The following SPAG5 variants were observed in gnomAD, a reference collection of about 807,000 sequenced individuals.
SPAG5 encodes the protein sperm associated antigen 5.
SPAG5 carries 99 observed loss-of-function variants against 145.4 expected under a neutral mutation model. That is an observed-to-expected ratio of 0.68 (90% CI 0.58 to 0.80). The LOEUF is 0.80. Among genes scored for constraint, SPAG5 ranks in the 30% least tolerant of loss-of-function variants. SPAG5 has a pLI of 0.00. For missense variants in SPAG5, 1,192 were observed against 1,416.0 expected (o/e 0.84, Z 2.54); for synonymous variants, 477 against 525.4 (o/e 0.91, Z 1.26).
Position 28,584,257 on chromosome 17 carries a change from C to G in SPAG5, c.2310-5G>C, listed in dbSNP as rs2070568253. Reference sequence around the variant, plus strand: ...GCCATCTCTTCCTTTTGCCATCTGCCAGAGACAACATATTAGATCCCATTT... The same window carrying G: ...GCCATCTCTTCCTTTTGCCATCTGCGAGAGACAACATATTAGATCCCATTT... On this transcript the variant is annotated splice_polypyrimidine_tract_variant and splice_region_variant and intron_variant, in intron 12 of 23. Transcript: ENST00000321765. The G allele has an allele frequency of 1.2e-6, 2 of 1,613,786 alleles. No individual in the cohort carries two copies. The highest frequency in any genetic ancestry group is 1.7e-6 in the Non-Finnish European group (2 of 1,180,038).
intron 3 of SPAG5, 42 bp from the exon 4 acceptor site, chr17:28,591,914 G>A: frequency 6.2e-7 from 1 of 1,610,102 alleles, no homozygotes; most frequent in Non-Finnish European, 8.5e-7. Context: ...GAAAAGGAGG[G>A]GAAGGGATGG....
chr17:28,582,302 A>G (rs1327792455), intron 15 of SPAG5, among the ~76,000 whole-genome samples: 1 of 152,196 alleles, frequency 6.6e-6, no homozygotes, highest in Non-Finnish European at 1.5e-5. Context: ...TAAGGTAGAC[A>G]CTATAAAAAA....
chr17:28,588,927 C>T (rs753544796), intron 4 of SPAG5, among the ~76,000 whole-genome samples: 1 of 151,984 alleles, frequency 6.6e-6, no homozygotes, highest in Non-Finnish European at 1.5e-5. Flanking sequence ...AGTGATCTGC[C>T]GGCCTCAGCC....
At chr17:28,591,898 CGAAAA>C (rs752428736) in intron 3 of SPAG5, 26 bp from the exon 4 acceptor site, 7 of 1,610,310 alleles carry the variant, frequency 4.3e-6, no homozygotes, top group Non-Finnish European at 5.9e-6. Context: ...AAGAACATGA[CGAAAA>C]GAAAAGGAGG....
rs897261702 is a variant in SPAG5 at position 28,579,850 on chromosome 17, C to T, written c.2798-13G>A. On this transcript the variant is annotated splice_polypyrimidine_tract_variant and intron_variant, in intron 16 of 23. Coordinates refer to ENST00000321765, the MANE Select transcript of SPAG5 (RefSeq NM_006461.4). ...GTTGATTCTGGCTCTAAGAGAAAAA[C>T]CAATAATGGGAGAGGGCCCCTCTGA... 19 of 1,612,642 alleles carry T rather than the reference C, an allele frequency of 1.2e-5. No homozygotes were observed. The highest frequency in any genetic ancestry group is 1.3e-5 in the African/African-American group (1 of 74,864).
intron 5 of SPAG5, 86 bp downstream of exon 5, chr17:28,586,323 CACCACCACGACTTAGT>C (rs963494593): frequency 8.1e-7 from 1 of 1,233,190 alleles, no homozygotes; most frequent in Admixed American, 1.8e-5. Flanking sequence ...AACCTCCCTT[CACCACCACGACTTAGT>C]ATCACCATCT....
Position 28,598,492 on chromosome 17 carries a change from TG to T in SPAG5, c.177+17del. On this transcript the variant is annotated intron_variant, in intron 2 of 23. Coordinates refer to ENST00000321765, the MANE Select transcript of SPAG5 (RefSeq NM_006461.4). ...TGGGCAAACAGCCCAGTCGAGAAGCTGTCCAGGCGAATCTCACCTGCAGCCC... is the reference window on the plus strand; with the variant it reads ...TGGGCAAACAGCCCAGTCGAGAAGCTTCCAGGCGAATCTCACCTGCAGCCC... 6.2e-7 allele frequency: 1 copy of T among 1,612,410 alleles called. No homozygotes were observed. The highest frequency in any genetic ancestry group is 8.5e-7 in the Non-Finnish European group (1 of 1,179,584).
In SPAG5 at chr17:28,598,928, G is replaced by GT; in HGVS notation, c.18dup (p.Leu7ThrfsTer22). On this transcript the variant is annotated frameshift_variant, in exon 1 of 24. Coordinates refer to ENST00000321765, the MANE Select transcript of SPAG5 (RefSeq NM_006461.4). LOFTEE classifies it high-confidence loss of function. ...GGCGAAGGCGACAGGCTGAGGCTCA[G>GT]TTTTTTCACTCGCCACATCTTCAAC... 2 of 1,614,004 alleles carry GT rather than the reference G, an allele frequency of 1.2e-6. No individual in the cohort carries two copies. The highest frequency in any genetic ancestry group is 1.1e-5 in the South Asian group (1 of 91,004).
chr17:28,595,227 C>T (rs896393219), intron 2 of SPAG5, among the ~76,000 whole-genome samples: 2 of 130,026 alleles, frequency 1.5e-5, no homozygotes, highest in African/African-American at 2.9e-5. Flanking sequence ...CACTGCACTC[C>T]AATCTGGGCG....
intron 19 of SPAG5, 29 bp downstream of exon 19, chr17:28,579,112 A>G: frequency 6.3e-7 from 1 of 1,575,800 alleles, no homozygotes; most frequent in Non-Finnish European, 8.7e-7. Flanking sequence ...CCAGTTCTTC[A>G]TCGCCCCACT....
In SPAG5 at chr17:28,591,881, G is replaced by A. The variant is rs148609568; in HGVS notation, c.1263-9C>T. 4.2e-4 allele frequency: 679 copies of A among 1,613,220 alleles called. 7 individuals carry two copies. In the African/African-American group the frequency reaches 6.4e-3, roughly 15 times the overall value. The stretch of plus-strand genomic sequence containing the variant: ...TCAGATCTGGAGGCCGGCTGCAGCA[G>A]AAAGAGAAGAACATGACGAAAAGAA... On this transcript the variant is annotated splice_polypyrimidine_tract_variant and intron_variant, in intron 3 of 23. Coordinates refer to ENST00000321765, the MANE Select transcript of SPAG5 (RefSeq NM_006461.4).
intron 14 of SPAG5, 57 bp downstream of exon 14, chr17:28,583,796 T>G: frequency 1.3e-6 from 2 of 1,573,584 alleles, no homozygotes; most frequent in Non-Finnish European, 1.7e-6. Flanking sequence ...CTTCTAGAAG[T>G]GTTCCTGAGA....
At position 28,584,666 on chromosome 17, in the gene SPAG5, C is replaced by T; in HGVS notation, c.2147G>A (p.Ser716Asn). 1 of 1,614,090 alleles carries T rather than the reference C, an allele frequency of 6.2e-7. No homozygotes were observed. The highest frequency in any genetic ancestry group is 1.1e-5 in the South Asian group (1 of 91,084). Reference sequence around the variant, plus strand: ...CACACAAACACCTGTTGCTAGACGACTGTTTTCCAACTCCAGTTGTTCTGT... The same window carrying T: ...CACACAAACACCTGTTGCTAGACGATTGTTTTCCAACTCCAGTTGTTCTGT... ...GQTEQLELENSRLATDLRAQL... is the reference protein window; with the variant it reads ...GQTEQLELENNRLATDLRAQL... Residue 716 changes from serine (S) to asparagine (N), a missense_variant, in exon 11 of 24, where the codon AGT (serine) becomes AAT (asparagine). This residue lies in a region of SPAG5 where 709 missense variants were observed against 840.7 expected (regional missense o/e 0.84). Transcript: ENST00000321765.
In SPAG5 at chr17:28,584,257, C is replaced by T; in HGVS notation, c.2310-5G>A. Reference sequence around the variant, plus strand: ...GCCATCTCTTCCTTTTGCCATCTGCCAGAGACAACATATTAGATCCCATTT... The same window carrying T: ...GCCATCTCTTCCTTTTGCCATCTGCTAGAGACAACATATTAGATCCCATTT... On this transcript the variant is annotated splice_polypyrimidine_tract_variant and splice_region_variant and intron_variant, in intron 12 of 23. Coordinates refer to ENST00000321765, the MANE Select transcript of SPAG5 (RefSeq NM_006461.4). 6.2e-7 allele frequency: 1 copy of T among 1,613,904 alleles called. No homozygotes were observed. Among genetic ancestry groups the T allele is most frequent in the Non-Finnish European group, 8.5e-7 (1 of 1,180,030 alleles).
chr17:28,591,233 A>G (rs971243057), intron 4 of SPAG5, among the ~76,000 whole-genome samples: 4 of 152,178 alleles, frequency 2.6e-5, no homozygotes, highest in African/African-American at 9.7e-5. Context: ...GAAAGTTCTG[A>G]TGTACCCCAG....
chr17:28,586,365 T>G (rs557609489), intron 5 of SPAG5, 60 bp downstream of exon 5: 2 of 1,410,204 alleles, frequency 1.4e-6, no homozygotes, highest in East Asian at 4.6e-5. Flanking sequence ...CCACCCAGGA[T>G]TCTCCATTCT....
intron 2 of SPAG5, among the ~76,000 whole-genome samples, chr17:28,595,698 G>A (rs1022290743): frequency 2.0e-5 from 3 of 147,312 alleles, no homozygotes; most frequent in Admixed American, 6.8e-5. Context: ...GCAGTGAGCC[G>A]AGATCACACC....
At chr17:28,578,994 G>A (rs1024264131) in intron 19 of SPAG5, 147 bp downstream of exon 19, 1 of 708,852 alleles carries the variant, frequency 1.4e-6, no homozygotes, top group Non-Finnish European at 2.4e-6. Context: ...TAGCTGACAT[G>A]TGAAATGTCT....
intron 10 of SPAG5, 45 bp from the exon 11 acceptor site, chr17:28,584,790 A>G (rs1003092536): frequency 7.1e-7 from 1 of 1,414,078 alleles, no homozygotes; most frequent in Non-Finnish European, 1.0e-6. Flanking sequence ...CTCCTGAATC[A>G]ATAATCCCAG....
Sources: gnomAD v4.1 joint callset for allele counts (sites outside exome capture counted in the v4.1 genomes callset) on GRCh38, gnomAD v4.1.1 for gene constraint, gnomAD v4.1.1 regional missense constraint, MANE v1.5 for transcripts, NCBI Gene and HGNC (gene_info 2026-07-23, HGNC 2026-07-21) for gene names.